Variants in BACE2 observed in about 807,000 individuals in gnomAD.
The protein encoded by BACE2 is 56 kDa aspartic-like protease.
In BACE2, 17 loss-of-function variants were observed where a neutral mutation model predicts 46.2. The observed-to-expected ratio is 0.37, with a 90% confidence interval of 0.25 to 0.55. The LOEUF is 0.55. Among genes scored for constraint, BACE2 ranks in the 20% least tolerant of loss-of-function variants. BACE2 has a pLI of 0.82. For missense variants in BACE2, 595 were observed against 698.1 expected (o/e 0.85, Z 1.66); for synonymous variants, 277 against 295.9 (o/e 0.94, Z 0.66).
In BACE2 at chr21:41,229,925, C is replaced by A. The variant is rs77555414; in HGVS notation, c.401+3571C>A. Among the ~76,000 whole-genome samples, 8 of 152,348 alleles carry A rather than the reference C, an allele frequency of 5.3e-5. No homozygotes were observed. In the East Asian group the frequency reaches 1.5e-3, roughly 29 times the overall value. ...ATTTCTTGCCACCATTCTGACCACT[C>A]AAGGTTCTGATCTGTTTCTTCTTTT... On this transcript the variant is annotated intron_variant, in intron 2 of 8. Coordinates refer to ENST00000330333, the MANE Select transcript of BACE2 (RefSeq NM_012105.5).
intron 1 of BACE2, among the ~76,000 whole-genome samples, chr21:41,185,845 G>A (rs1315631248): frequency 1.3e-5 from 2 of 152,154 alleles, no homozygotes; most frequent in Non-Finnish European, 2.9e-5. Context: ...ACGTGACAAC[G>A]TGACTCTGGT....
In BACE2 at chr21:41,193,488, A is replaced by AC. The variant is rs1985643007; in HGVS notation, c.312+24917dup. Among the ~76,000 whole-genome samples the AC allele has an allele frequency of 6.6e-6, 1 of 151,972 alleles. No homozygotes were observed. The highest frequency in any genetic ancestry group is 2.4e-5 in the African/African-American group (1 of 41,372). On this transcript the variant is annotated intron_variant, in intron 1 of 8. Coordinates refer to ENST00000330333, the MANE Select transcript of BACE2 (RefSeq NM_012105.5). The surrounding 1 kb of genome is among the most constrained non-coding windows in gnomAD (Gnocchi z 4.2). The stretch of plus-strand genomic sequence containing the variant: ...GAATGGGGATGTGGTGGGAATCACC[A>AC]CCCCTGCATCCTTCAAGTCCTTGAT...
At chr21:41,226,028 G>C (rs1187662497) in intron 1 of BACE2, among the ~76,000 whole-genome samples, 1 of 152,188 alleles carries the variant, frequency 6.6e-6, no homozygotes, top group African/African-American at 2.4e-5. Flanking sequence ...CTCTTTTAAG[G>C]CTCAGTGTGT....
intron 2 of BACE2, among the ~76,000 whole-genome samples, chr21:41,233,311 G>T (rs1258732919): frequency 6.6e-6 from 1 of 152,144 alleles, no homozygotes; most frequent in African/African-American, 2.4e-5. Flanking sequence ...ACGAGGGATG[G>T]TATTATATTA....
At chr21:41,253,796 T>G (rs1601311792) in intron 7 of BACE2, among the ~76,000 whole-genome samples, 1 of 152,236 alleles carries the variant, frequency 6.6e-6, no homozygotes, top group African/African-American at 2.4e-5. Context: ...ATTATTGCTT[T>G]CACTTATAAT....
chr21:41,201,850 C>A (rs2123530446), intron 1 of BACE2, among the ~76,000 whole-genome samples: 1 of 152,272 alleles, frequency 6.6e-6, no homozygotes, highest in Non-Finnish European at 1.5e-5. Flanking sequence ...GGGTTTTAAG[C>A]AGTAATCAAT....
intron 1 of BACE2, among the ~76,000 whole-genome samples, chr21:41,221,806 T>C (rs1238133245): frequency 1.5e-5 from 2 of 135,734 alleles, no homozygotes; most frequent in Admixed American, 1.7e-4. Context: ...CCAGCCTGGG[T>C]GACTGAGCGA....
intron 2 of BACE2, among the ~76,000 whole-genome samples, chr21:41,228,370 C>T (rs576784732): frequency 6.6e-6 from 1 of 152,326 alleles, no homozygotes; most frequent in East Asian, 1.9e-4. Context: ...AGCAGCTCAG[C>T]TTGCTGTCTT....
At chr21:41,189,951 G>A (rs1364338363) in intron 1 of BACE2, among the ~76,000 whole-genome samples, 3 of 152,156 alleles carry the variant, frequency 2.0e-5, no homozygotes, top group East Asian at 1.9e-4. Flanking sequence ...GGCAGGAAGC[G>A]TCCAGTACGG....
intron 1 of BACE2, among the ~76,000 whole-genome samples, chr21:41,189,693 A>C (rs1235071449): frequency 6.6e-6 from 1 of 152,248 alleles, no homozygotes; most frequent in African/African-American, 2.4e-5. Context: ...TTGGAAGTTA[A>C]GGACTGTATG....
intron 1 of BACE2, among the ~76,000 whole-genome samples, chr21:41,208,795 T>A (rs1284116035): frequency 6.6e-6 from 1 of 152,034 alleles, no homozygotes; most frequent in East Asian, 1.9e-4. Flanking sequence ...AAGATGTCAG[T>A]TGCACACCAA....
chr21:41,279,126 ATGCCACAGAAGTTAT>A lies in BACE2; in HGVS notation c.*3505_*3519del, dbSNP rs1045914805. The A allele has an allele frequency of 6.6e-6, 1 of 152,188 alleles. No homozygotes were observed. The highest frequency in any genetic ancestry group is 2.4e-5 in the African/African-American group (1 of 41,448). 9.4% of individuals were successfully genotyped at this position (152,188 alleles called of 1,614,324 possible). On this transcript the variant is annotated 3_prime_UTR_variant, in exon 9 of 9. Coordinates refer to ENST00000330333, the MANE Select transcript of BACE2 (RefSeq NM_012105.5). ...ATTTTTTTAATGCCGAGAAAAGTCCATGCCACAGAAGTTATTGTGTATGTCTCTAGGGAGCTTTAA... is the reference window on the plus strand; with the variant it reads ...ATTTTTTTAATGCCGAGAAAAGTCCATGTGTATGTCTCTAGGGAGCTTTAA...
chr21:41,239,315 G>A (rs1040753614), intron 3 of BACE2, among the ~76,000 whole-genome samples: 4 of 152,144 alleles, frequency 2.6e-5, no homozygotes, highest in Admixed American at 6.6e-5. Context: ...GTCACTCAGT[G>A]CTCAGGACTC....
intron 1 of BACE2, among the ~76,000 whole-genome samples, chr21:41,185,452 C>T (rs944553239): frequency 3.9e-5 from 6 of 152,316 alleles, no homozygotes; most frequent in Middle Eastern, 3.4e-3. Context: ...GGCTGACTGC[C>T]AGGCCAGGAG....
intron 1 of BACE2, chr21:41,179,751 G>GGT: frequency 1.1e-6 from 1 of 935,152 alleles, no homozygotes; most frequent in South Asian, 1.5e-5. Context: ...GAGGGTGCCT[G>GGT]GTGTGGGGTG....
chr21:41,268,102 C>T (rs537490356), intron 8 of BACE2, among the ~76,000 whole-genome samples: 95 of 152,350 alleles, frequency 6.2e-4, no homozygotes, highest in African/African-American at 2.1e-3. Context: ...ACAGCGGACA[C>T]TTACGTAGCA....
At chr21:41,237,912 C>T (rs1051642265) in intron 3 of BACE2, among the ~76,000 whole-genome samples, 183 bp downstream of exon 3, 2 of 152,198 alleles carry the variant, frequency 1.3e-5, no homozygotes, top group Admixed American at 1.3e-4. Context: ...AGGTAAACAG[C>T]ATGATTCTTG....
chr21:41,257,375 G>T (rs373368687), intron 8 of BACE2, 49 bp downstream of exon 8: 14 of 1,591,610 alleles, frequency 8.8e-6, no homozygotes, highest in African/African-American at 1.3e-5. Flanking sequence ...AGTCCTTTAT[G>T]TAAATGTGCT....
chr21:41,281,206 G>A lies in BACE2; in HGVS notation c.*5582G>A, dbSNP rs1308073236. The A allele has an allele frequency of 6.6e-6, 1 of 152,238 alleles. No homozygotes were observed. The highest frequency in any genetic ancestry group is 2.4e-5 in the African/African-American group (1 of 41,460). The allele number at this position is 152,238 out of a possible 1,614,324, so 9.4% of individuals were successfully genotyped here. On this transcript the variant is annotated 3_prime_UTR_variant, in exon 9 of 9. Transcript: ENST00000330333. ...AGACCAACCAGATAAAGTCCAAACT[G>A]TGTAGAACACACGTGTGCCTCACAC...
Sources: allele counts gnomAD v4.1 joint callset (sites outside exome capture counted in the v4.1 genomes callset), GRCh38; gene constraint gnomAD v4.1.1; non-coding constraint Gnocchi (gnomAD v3.1); transcripts MANE v1.5; gene names NCBI Gene and HGNC (gene_info 2026-07-23, HGNC 2026-07-21).